PDE3A: variants seen among roughly 807,000 people sequenced by gnomAD.
The protein encoded by PDE3A is cGMP-inhibited 3',5'-cyclic phosphodiesterase 3A.
Under a neutral mutation model 98.3 loss-of-function variants are expected in PDE3A, and 43 were observed. The ratio of observed to expected loss-of-function variants is 0.44; its 90% CI spans 0.34 to 0.56. The LOEUF (loss-of-function observed/expected upper bound fraction) is 0.56. Among genes scored for constraint, PDE3A ranks in the 20% least tolerant of loss-of-function variants. The probability of loss-of-function intolerance (pLI) is 0.01; values close to 1 mark genes in which losing one functional copy is unlikely to be tolerated. For missense variants in PDE3A, 1,427 were observed against 1,440.7 expected, an observed-to-expected ratio of 0.99 and a Z score of 0.15; for synonymous variants, 663 against 567.9, an observed-to-expected ratio of 1.17 and a Z score of -2.38.
chr12:20,479,128 A>G (rs950045938), intron 1 of PDE3A, among the ~76,000 whole-genome samples: 7 of 152,176 alleles, frequency 4.6e-5, no homozygotes, highest in African/African-American at 1.7e-4. Flanking sequence ...ATTTCTCAAG[A>G]ATAATGGTTG....
At chr12:20,473,132 A>T in intron 1 of PDE3A, among the ~76,000 whole-genome samples, 1 of 152,142 alleles carries the variant, frequency 6.6e-6, no homozygotes, top group East Asian at 1.9e-4. Context: ...AATGTTTTAG[A>T]TAAAATCTTT....
rs533302947 is a variant in PDE3A, at chr12:20,687,074, T to G, written c.*6803T>G. On this transcript the variant is annotated 3_prime_UTR_variant, in exon 16 of 16. Transcript: ENST00000359062. ...TGAAAACTGCTACTTGAATAACTTT[T>G]GAAGAGAAAGATTTTCTTTCCGGTA... Among the ~76,000 whole-genome samples, 97 of 152,134 alleles carry G rather than the reference T, an allele frequency of 6.4e-4. No individual in the cohort carries two copies. Among genetic ancestry groups the G allele is most frequent in the Non-Finnish European group, 1.1e-3 (75 of 67,982 alleles).
chr12:20,482,055 C>T (rs924523373), intron 1 of PDE3A, among the ~76,000 whole-genome samples: 3 of 152,042 alleles, frequency 2.0e-5, no homozygotes, highest in South Asian at 2.1e-4. Flanking sequence ...TGAGCCACCA[C>T]GCTCAGCGAG....
chr12:20,475,215 G>A lies in PDE3A; in HGVS notation c.961-81445G>A, dbSNP rs192182907. Among the ~76,000 whole-genome samples, 172 of 149,048 alleles carry A rather than the reference G, an allele frequency of 1.2e-3. 3 individuals carry two copies. The East Asian group carries it at 0.027, about 23-fold the overall frequency. Reference sequence around the variant, plus strand: ...TGTGTGTGTGTGTGTGTGTGTGTGTGTGTATGTTCCTTCTTTTAAAATTCC... The same window carrying A: ...TGTGTGTGTGTGTGTGTGTGTGTGTATGTATGTTCCTTCTTTTAAAATTCC... On this transcript the variant is annotated intron_variant, in intron 1 of 15. Transcript: ENST00000359062.
chr12:20,452,780 T>C (rs1945088867), intron 1 of PDE3A, among the ~76,000 whole-genome samples: 1 of 152,188 alleles, frequency 6.6e-6, no homozygotes, highest in African/African-American at 2.4e-5. Flanking sequence ...AGACATCAGC[T>C]ATAGACAGCA....
Position 20,552,769 on chromosome 12 carries a change from T to C in PDE3A, c.961-3891T>C. 2 of 1,614,044 alleles carry C rather than the reference T, an allele frequency of 1.2e-6. No homozygotes were observed. The highest frequency in any genetic ancestry group is 1.1e-5 in the South Asian group (1 of 91,082). On this transcript the variant is annotated intron_variant, in intron 1 of 15. Coordinates refer to ENST00000359062, the MANE Select transcript of PDE3A (RefSeq NM_000921.5). This position sits in a 1 kb window ranked among gnomAD's most constrained non-coding sequence, Gnocchi z 5.1. The stretch of plus-strand genomic sequence containing the variant: ...GGCGAGCGGCAGCCCGTTCCAGTTG[T>C]TCCTGAGTAAAGTGGAGGAGACGTT...
intron 12 of PDE3A, 90 bp from the exon 13 acceptor site, chr12:20,648,598 A>G: frequency 1.2e-6 from 1 of 830,942 alleles, no homozygotes; most frequent in Non-Finnish European, 2.1e-6. Flanking sequence ...TTGTATGAAT[A>G]AAAAGCAATT....
In PDE3A at chr12:20,561,565, T is replaced by C. The variant is rs548672278; in HGVS notation, c.1011+4855T>C. 4.6e-5 allele frequency among the ~76,000 whole-genome samples: 7 copies of C among 151,952 alleles called. 1 individual carries two copies. The East Asian group carries it at 1.4e-3, about 29-fold the overall frequency. On this transcript the variant is annotated intron_variant, in intron 2 of 15. Coordinates refer to ENST00000359062, the MANE Select transcript of PDE3A (RefSeq NM_000921.5). ...CAAAACATGGATATATGTCAGGTACTTTTTTTTAGCCTTTGAGGAATCAGA... is the reference window on the plus strand; with the variant it reads ...CAAAACATGGATATATGTCAGGTACCTTTTTTTAGCCTTTGAGGAATCAGA...
intron 2 of PDE3A, among the ~76,000 whole-genome samples, chr12:20,596,951 C>T (rs761214174): frequency 5.9e-5 from 9 of 152,066 alleles, no homozygotes; most frequent in African/African-American, 1.4e-4. Flanking sequence ...TACATAGGAA[C>T]GGTACCCAGT....
intron 2 of PDE3A, among the ~76,000 whole-genome samples, chr12:20,595,564 A>G (rs186757013): frequency 3.3e-5 from 5 of 152,326 alleles, no homozygotes; most frequent in Admixed American, 6.5e-5. Flanking sequence ...GCCACAAGAC[A>G]TGCTTGATGG....
At chr12:20,442,516 A>C (rs1944886316) in intron 1 of PDE3A, among the ~76,000 whole-genome samples, 1 of 152,176 alleles carries the variant, frequency 6.6e-6, no homozygotes, top group Admixed American at 6.6e-5. Flanking sequence ...TTGTTCATGC[A>C]TTTCACTGAC....
chr12:20,468,353 T>G (rs1945379456), intron 1 of PDE3A, among the ~76,000 whole-genome samples: 1 of 152,210 alleles, frequency 6.6e-6, no homozygotes, highest in Non-Finnish European at 1.5e-5. Context: ...TGTACTTGCC[T>G]GTGATCTTGA....
chr12:20,473,959 T>C (rs1009535269), intron 1 of PDE3A, among the ~76,000 whole-genome samples: 7 of 152,196 alleles, frequency 4.6e-5, no homozygotes, highest in African/African-American at 1.7e-4. Context: ...ATGTGGCTTT[T>C]AGTGCACATG....
At chr12:20,597,025 G>A (rs1943483035) in intron 2 of PDE3A, among the ~76,000 whole-genome samples, 1 of 152,146 alleles carries the variant, frequency 6.6e-6, no homozygotes, top group Non-Finnish European at 1.5e-5. Flanking sequence ...TGTCATCTCT[G>A]CAGCTTAAGA....
At chr12:20,457,471 G>A (rs2120911944) in intron 1 of PDE3A, among the ~76,000 whole-genome samples, 1 of 151,576 alleles carries the variant, frequency 6.6e-6, no homozygotes, top group East Asian at 1.9e-4. Flanking sequence ...AAAAATATTT[G>A]CATATATGCA....
intron 1 of PDE3A, among the ~76,000 whole-genome samples, chr12:20,490,640 A>G (rs12423286): frequency 0.17 from 25,543 of 152,138 alleles, 2,435 homozygotes; most frequent in East Asian, 0.28. Context: ...AATTTACTAT[A>G]TTGAACATCA....
intron 1 of PDE3A, among the ~76,000 whole-genome samples, chr12:20,466,066 C>A (rs1945336181): frequency 1.3e-5 from 2 of 152,244 alleles, no homozygotes; most frequent in South Asian, 4.1e-4. Context: ...ATTTTTCTGT[C>A]TTTGCACTCT....
chr12:20,468,090 A>G (rs986363152), intron 1 of PDE3A, among the ~76,000 whole-genome samples: 3 of 151,984 alleles, frequency 2.0e-5, no homozygotes, highest in Non-Finnish European at 2.9e-5. Flanking sequence ...AACAAATTAA[A>G]TAGCATTGTT....
chr12:20,675,097 AC>A (rs1369589894), intron 15 of PDE3A, among the ~76,000 whole-genome samples: 1 of 151,950 alleles, frequency 6.6e-6, no homozygotes, highest in Non-Finnish European at 1.5e-5. Flanking sequence ...CCTTTTGACT[AC>A]TACTTTGTGT....
Sources: allele counts gnomAD v4.1 joint callset (sites outside exome capture counted in the v4.1 genomes callset), GRCh38; gene constraint gnomAD v4.1.1; non-coding constraint Gnocchi (gnomAD v3.1); transcripts MANE v1.5; gene names NCBI Gene and HGNC (gene_info 2026-07-23, HGNC 2026-07-21).